The following ABCA1 variants were observed in gnomAD, a reference collection of about 807,000 sequenced individuals.
ABCA1 encodes the protein phospholipid-transporting ATPase ABCA1.
Under a neutral mutation model 262.5 loss-of-function variants are expected in ABCA1, and 133 were observed. The ratio of observed to expected loss-of-function variants is 0.51; its 90% CI spans 0.44 to 0.59. ABCA1 has a LOEUF of 0.59. Ranked by LOEUF, ABCA1 falls within the 20% of genes least tolerant of loss-of-function variation. The pLI is 0.00. For synonymous variants in ABCA1, 1,022 were observed against 1,043.5 expected, an observed-to-expected ratio of 0.98 and a Z score of 0.40; for missense variants, 2,452 against 2,777.5, an observed-to-expected ratio of 0.88 and a Z score of 2.63.
chr9:104,821,324 A>G (rs1458818629), intron 20 of ABCA1, 51 bp downstream of exon 20: 1 of 1,599,002 alleles, frequency 6.3e-7, no homozygotes, highest in Non-Finnish European at 8.6e-7. Context: ...TGATGGCATG[A>G]CACACACACA....
In ABCA1 at chr9:104,788,548, C is replaced by T. The variant is rs1279489849; in HGVS notation, c.5947G>A (p.Glu1983Lys). The change falls in exon 45 of 50, where the codon GAA (glutamate) becomes AAA (lysine). Residue 1983 changes from glutamate to lysine, a missense_variant. Around this residue, in one of 4 missense-constraint regions of ABCA1, gnomAD observed 752 missense variants for 944.5 expected, o/e 0.80. Coordinates refer to ENST00000374736, the MANE Select transcript of ABCA1 (RefSeq NM_005502.4). ...CAGTAGCCCATGTTCTGATGTACTTCATGGATGTTTGATAAGATACTGCAA... is the reference window on the plus strand; with the variant it reads ...CAGTAGCCCATGTTCTGATGTACTTTATGGATGTTTGATAAGATACTGCAA... ...NKNSILSNIH[E>K]VHQNMGYCPQ... 1 of 1,614,162 alleles carries T rather than the reference C, an allele frequency of 6.2e-7. No homozygotes were observed. The highest frequency in any genetic ancestry group is 8.5e-7 in the Non-Finnish European group (1 of 1,180,016).
chr9:104,862,404 C>G (rs1005022148), intron 5 of ABCA1, among the ~76,000 whole-genome samples: 6 of 94,192 alleles, frequency 6.4e-5, no homozygotes, highest in Non-Finnish European at 1.2e-4. Flanking sequence ...CCACCATGCC[C>G]GGTCTTTCTC....
At chr9:104,838,499 T>C (rs1834037345) in intron 9 of ABCA1, among the ~76,000 whole-genome samples, 1 of 147,356 alleles carries the variant, frequency 6.8e-6, no homozygotes, top group Admixed American at 6.8e-5. Context: ...CACCTGCAGT[T>C]CCAGCTACTC....
intron 34 of ABCA1, 96 bp downstream of exon 34, chr9:104,801,958 T>G: frequency 8.9e-7 from 1 of 1,127,242 alleles, no homozygotes; most frequent in Non-Finnish European, 1.3e-6. Flanking sequence ...TTCAGAACAA[T>G]GAGCTGCCAG....
At chr9:104,837,595 C>A in intron 9 of ABCA1, 28 bp from the exon 10 acceptor site, 1 of 1,612,722 alleles carries the variant, frequency 6.2e-7, no homozygotes, top group Non-Finnish European at 8.5e-7. Context: ...GACAAATGCT[C>A]ATATGCATGG....
At chr9:104,900,739 T>A (rs1840601978) in intron 2 of ABCA1, among the ~76,000 whole-genome samples, 1 of 152,228 alleles carries the variant, frequency 6.6e-6, no homozygotes, top group Non-Finnish European at 1.5e-5. Flanking sequence ...TGTGCCCCCC[T>A]GAGCCCCAGT....
Position 104,895,684 on chromosome 9 carries a change from T to A in ABCA1, c.67-6489A>T, listed in dbSNP as rs549059201. ...ATCATCATTCATAGTTATGCCAACA[T>A]CTCCCACACTACAGATGTTCACTGT... is the stretch of plus-strand genomic sequence containing the variant. On this transcript the variant is annotated intron_variant, in intron 2 of 49. Transcript: ENST00000374736. Among the ~76,000 whole-genome samples, 3 of 152,308 alleles carry A rather than the reference T, an allele frequency of 2.0e-5. No homozygotes were observed. In the South Asian group the frequency reaches 6.2e-4, roughly 32 times the overall value.
intron 20 of ABCA1, among the ~76,000 whole-genome samples, chr9:104,820,492 C>A (rs1832226213): frequency 1.3e-5 from 2 of 152,088 alleles, no homozygotes; most frequent in Admixed American, 6.6e-5. Context: ...GCACATGAGC[C>A]CCATGTGTTC....
chr9:104,902,357 AGGTCATACAAGTAGAAAAATG>A (rs548475725), intron 2 of ABCA1, among the ~76,000 whole-genome samples: 1 of 152,370 alleles, frequency 6.6e-6, no homozygotes, highest in African/African-American at 2.4e-5. Context: ...CATCAAATTA[AGGTCATACAAGTAGAAAAATG>A]GGTGGAGAAT....
rs1026519244 is a variant in ABCA1, at chr9:104,796,512, G to C, written c.5122-88C>G. ...GTTTTCACCATTATCAGACAAGAAA[G>C]GGCAGATAAACATATTGGAGAGTAA... On this transcript the variant is annotated intron_variant, in intron 37 of 49. Coordinates refer to ENST00000374736, the MANE Select transcript of ABCA1 (RefSeq NM_005502.4). The C allele has an allele frequency of 5.1e-6, 5 of 981,726 alleles. No homozygotes were observed. In the African/African-American group the frequency reaches 6.4e-5, roughly 13 times the overall value. 60.8% of individuals were successfully genotyped at this position (981,726 alleles called of 1,614,324 possible).
intron 34 of ABCA1, among the ~76,000 whole-genome samples, chr9:104,801,094 C>T (rs1215578756): frequency 7.1e-6 from 1 of 140,750 alleles, no homozygotes; most frequent in African/African-American, 2.7e-5. Flanking sequence ...CTTATCAGGT[C>T]CTACAGACCA....
At position 104,798,299 on chromosome 9, in the gene ABCA1, T is replaced by C. The variant is rs947811817; in HGVS notation, c.5121+122A>G. 6 of 1,214,792 alleles carry C rather than the reference T, an allele frequency of 4.9e-6. No homozygotes were observed. In the African/African-American group the frequency reaches 6.0e-5, roughly 12 times the overall value. The allele number at this position is 1,214,792 out of a possible 1,614,324, so 75.3% of individuals were successfully genotyped here. On this transcript the variant is annotated intron_variant, in intron 37 of 49. Coordinates refer to ENST00000374736, the MANE Select transcript of ABCA1 (RefSeq NM_005502.4). The stretch of plus-strand genomic sequence containing the variant: ...ATCACCTGCCTCTGGCTATTTCTTT[T>C]TCATACATCTTTAGAGTAGCTGGAA...
At chr9:104,830,126 A>G (rs1833152765) in intron 14 of ABCA1, among the ~76,000 whole-genome samples, 1 of 152,208 alleles carries the variant, frequency 6.6e-6, no homozygotes, top group Non-Finnish European at 1.5e-5. Flanking sequence ...AGTTCCCACA[A>G]TGAGAACTTG....
chr9:104,822,741 G>A (rs1467114952), intron 18 of ABCA1, 74 bp from the exon 19 acceptor site: 4 of 1,561,400 alleles, frequency 2.6e-6, no homozygotes, highest in African/African-American at 2.7e-5. Context: ...ACAGGGCACT[G>A]CGCTTGAACT....
chr9:104,852,881 G>A (rs1835496069), intron 7 of ABCA1, among the ~76,000 whole-genome samples: 3 of 152,214 alleles, frequency 2.0e-5, no homozygotes. Context: ...GACGCTTTAA[G>A]GACTGCATGT....
intron 17 of ABCA1, 185 bp downstream of exon 17, chr9:104,825,498 G>C: frequency 1.5e-6 from 1 of 675,290 alleles, no homozygotes; most frequent in Non-Finnish European, 2.7e-6. Context: ...CAAGAAACAA[G>C]TGCTGTACAA....
At chr9:104,868,129 A>G (rs1837250004) in intron 5 of ABCA1, among the ~76,000 whole-genome samples, 1 of 152,118 alleles carries the variant, frequency 6.6e-6, no homozygotes, top group Admixed American at 6.6e-5. Flanking sequence ...GGAGGCCAAG[A>G]CGGGTGGATC....
intron 44 of ABCA1, among the ~76,000 whole-genome samples, chr9:104,789,106 C>T (rs1041437072): frequency 1.1e-4 from 16 of 152,202 alleles, no homozygotes; most frequent in African/African-American, 3.9e-4. Flanking sequence ...GATGACTGCA[C>T]CTCAGCCACA....
intron 5 of ABCA1, among the ~76,000 whole-genome samples, chr9:104,869,126 C>T (rs1015904837): frequency 1.3e-5 from 2 of 152,050 alleles, no homozygotes; most frequent in African/African-American, 4.8e-5. Flanking sequence ...GGGTTACTCT[C>T]GGTCAGTGCC....
Sources: gnomAD v4.1 joint callset for allele counts (sites outside exome capture counted in the v4.1 genomes callset) on GRCh38, gnomAD v4.1.1 for gene constraint, gnomAD v4.1.1 regional missense constraint, MANE v1.5 for transcripts, NCBI Gene and HGNC (gene_info 2026-07-23, HGNC 2026-07-21) for gene names.